The following LARGE1 variants were observed in gnomAD, a reference collection of about 807,000 sequenced individuals.
LARGE1 encodes the protein xylosyl- and glucuronyltransferase LARGE1.
In LARGE1, 43 loss-of-function variants were observed where a neutral mutation model predicts 87.6. The ratio of observed to expected loss-of-function variants is 0.49; its 90% CI spans 0.38 to 0.63. LARGE1 has a LOEUF of 0.63. Among genes scored for constraint, LARGE1 ranks in the 30% least tolerant of loss-of-function variants. LARGE1 has a pLI of 0.00. For missense variants in LARGE1, 802 were observed against 1,000.2 expected (o/e 0.80, Z 2.67); for synonymous variants, 434 against 394.6 (o/e 1.10, Z -1.18).
chr22:33,553,398 C>T (rs1276760793), intron 6 of LARGE1, among the ~76,000 whole-genome samples: 1 of 152,082 alleles, frequency 6.6e-6, no homozygotes, highest in African/African-American at 2.4e-5. Context: ...TGCCTACAGT[C>T]CCAACTACTC....
intron 2 of LARGE1, among the ~76,000 whole-genome samples, chr22:33,704,336 T>C (rs2082494009): frequency 6.6e-6 from 1 of 152,182 alleles, no homozygotes; most frequent in Admixed American, 6.5e-5. Context: ...AATTGGGGAT[T>C]TCTCCCCAGA....
chr22:33,829,457 A>G (rs1360368660), intron 1 of LARGE1, among the ~76,000 whole-genome samples: 2 of 152,112 alleles, frequency 1.3e-5, no homozygotes, highest in South Asian at 2.1e-4. Flanking sequence ...TTTGTTTACT[A>G]TAAGATCCAC....
At chr22:33,308,762 G>A (rs1473359062) in intron 11 of LARGE1, among the ~76,000 whole-genome samples, 11 of 152,172 alleles carry the variant, frequency 7.2e-5, no homozygotes, top group Non-Finnish European at 1.5e-4. Flanking sequence ...GCCCAGCAGA[G>A]TCTAGCCCAC....
chr22:33,558,446 G>C (rs5754608), intron 6 of LARGE1, among the ~76,000 whole-genome samples: 1 of 152,204 alleles, frequency 6.6e-6, no homozygotes, highest in Non-Finnish European at 1.5e-5. Flanking sequence ...GTGTCCGTCA[G>C]GTACCAGGAT....
the LARGE1 span, among the ~76,000 whole-genome samples, chr22:33,137,635 C>T: frequency 6.6e-6 from 1 of 152,218 alleles, no homozygotes; most frequent in African/African-American, 2.4e-5. Context: ...AAATCACTGG[C>T]CTGGAGGCCT....
intron 2 of LARGE1, among the ~76,000 whole-genome samples, chr22:33,660,202 G>A (rs1211974906): frequency 1.3e-5 from 2 of 150,646 alleles, no homozygotes; most frequent in African/African-American, 4.9e-5. Flanking sequence ...TTCTATAACT[G>A]GCCCGTCATA....
chr22:33,893,459 C>T (rs1192167117), intron 1 of LARGE1, among the ~76,000 whole-genome samples: 1 of 152,214 alleles, frequency 6.6e-6, no homozygotes, highest in Non-Finnish European at 1.5e-5. Flanking sequence ...AAGACAGAAA[C>T]CCTGCCGTCA....
chr22:33,115,478 G>A, the LARGE1 span, among the ~76,000 whole-genome samples: 4 of 151,086 alleles, frequency 2.6e-5, no homozygotes, highest in African/African-American at 9.8e-5. Flanking sequence ...GAATCTACAA[G>A]GCCATGAAGG....
chr22:33,912,145 A>G (rs146135292), intron 1 of LARGE1, among the ~76,000 whole-genome samples: 91 of 152,348 alleles, frequency 6.0e-4, no homozygotes, highest in African/African-American at 2.2e-3. Context: ...GAGAGCTGAC[A>G]TCAGTCAAGA....
At chr22:33,170,893 G>C (rs542107977) in intron 11 of LARGE1, among the ~76,000 whole-genome samples, 3 of 152,172 alleles carry the variant, frequency 2.0e-5, no homozygotes, top group African/African-American at 7.2e-5. Context: ...GGAACAGTTA[G>C]GAGGGCTCAG....
chr22:33,863,118 C>T (rs2063980652), intron 1 of LARGE1, among the ~76,000 whole-genome samples: 1 of 152,148 alleles, frequency 6.6e-6, no homozygotes, highest in Admixed American at 6.6e-5. Flanking sequence ...CACCGTGGCA[C>T]ACAGGAACAC....
At chr22:33,879,812 C>T (rs1303696259) in intron 1 of LARGE1, among the ~76,000 whole-genome samples, 2 of 152,224 alleles carry the variant, frequency 1.3e-5, no homozygotes, top group African/African-American at 4.8e-5. Flanking sequence ...AAAGAAGAGG[C>T]TATGCCTAAT....
intron 11 of LARGE1, among the ~76,000 whole-genome samples, chr22:33,306,642 G>A (rs1934961828): frequency 6.6e-6 from 1 of 152,118 alleles, no homozygotes; most frequent in Non-Finnish European, 1.5e-5. Flanking sequence ...GGAGGCCAAG[G>A]CGGGCAGATC....
chr22:33,877,819 G>A (rs2064515436), intron 1 of LARGE1, among the ~76,000 whole-genome samples: 1 of 151,926 alleles, frequency 6.6e-6, no homozygotes, highest in Non-Finnish European at 1.5e-5. Context: ...CTACTCGGGA[G>A]GCTGAGGCAC....
At chr22:33,195,152 CT>C (rs34043179) in intron 11 of LARGE1, among the ~76,000 whole-genome samples, 4,590 of 152,212 alleles carry the variant, frequency 0.03, 96 homozygotes, top group Admixed American at 0.056. Context: ...AAATTGGTTA[CT>C]TTTAGTATAG....
At chr22:33,921,341 G>A (rs1031976832), upstream of LARGE1, among the ~76,000 whole-genome samples, 8 of 152,228 alleles carry the variant, frequency 5.3e-5, no homozygotes, top group African/African-American at 1.7e-4. The surrounding 1 kb of genome is among the most constrained non-coding windows in gnomAD (Gnocchi z 4.1). Context: ...GCGGCTCCCG[G>A]CCGCCTCGGG....
At chr22:33,770,588 G>A (rs974407132) in intron 1 of LARGE1, among the ~76,000 whole-genome samples, 4 of 152,086 alleles carry the variant, frequency 2.6e-5, no homozygotes, top group Admixed American at 1.3e-4. Context: ...CGGAGGCTGA[G>A]GGAGGATGAT....
intron 11 of LARGE1, chr22:33,166,940 G>C (rs1433444242): frequency 4.5e-6 from 2 of 440,930 alleles, no homozygotes; most frequent in African/African-American, 4.1e-5. Context: ...AATTCCTCAA[G>C]TGGGTCTAAA....
intron 1 of LARGE1, among the ~76,000 whole-genome samples, chr22:33,791,480 C>G (rs2145987201): frequency 6.6e-6 from 1 of 152,308 alleles, no homozygotes; most frequent in East Asian, 1.9e-4. Flanking sequence ...AAGAAAAATA[C>G]TAGCTTAGAA....
Sources: gnomAD v4.1 joint callset for allele counts (sites outside exome capture counted in the v4.1 genomes callset) on GRCh38, gnomAD v4.1.1 for gene constraint, Gnocchi (gnomAD v3.1) non-coding constraint, MANE v1.5 for transcripts, NCBI Gene and HGNC (gene_info 2026-07-23, HGNC 2026-07-21) for gene names.